MEI4: variants seen among roughly 807,000 people sequenced by gnomAD.
The protein encoded by MEI4 is meiosis-specific protein MEI4.
MEI4 carries 27 observed loss-of-function variants against 31.4 expected under a neutral mutation model. The ratio of observed to expected loss-of-function variants is 0.86; its 90% CI spans 0.63 to 1.19. MEI4 has a LOEUF of 1.19. MEI4 is among the 50% of genes most tolerant of loss of function. The pLI, the probability that MEI4 is intolerant of heterozygous loss-of-function variation, is 0.00. For synonymous variants in MEI4, 122 were observed against 145.4 expected (o/e 0.84, Z 1.16); for missense variants, 329 against 398.9 (o/e 0.82, Z 1.49).
At chr6:77,756,214 T>C (rs1364921094) in intron 2 of MEI4, among the ~76,000 whole-genome samples, 1 of 152,222 alleles carries the variant, frequency 6.6e-6, no homozygotes, top group Non-Finnish European at 1.5e-5. Flanking sequence ...TAAAAATCTT[T>C]ATGAATAAAT....
intron 4 of MEI4, among the ~76,000 whole-genome samples, chr6:77,874,129 C>T (rs923832804): frequency 6.6e-6 from 1 of 152,050 alleles, no homozygotes; most frequent in Non-Finnish European, 1.5e-5. Context: ...TAGTTTTTTC[C>T]AATTCTGTGA....
At chr6:77,895,737 A>T (rs1766071151) in intron 4 of MEI4, among the ~76,000 whole-genome samples, 1 of 152,102 alleles carries the variant, frequency 6.6e-6, no homozygotes, top group African/African-American at 2.4e-5. Flanking sequence ...TAGACACATG[A>T]AAGTACCCAA....
chr6:77,877,532 C>T (rs56112552), intron 4 of MEI4, among the ~76,000 whole-genome samples: 11,974 of 151,938 alleles, frequency 0.079, 1,463 homozygotes, highest in African/African-American at 0.26. Flanking sequence ...ACCTTTTTGA[C>T]TCACATACGT....
chr6:77,800,173 A>G (rs1262805598), intron 3 of MEI4, among the ~76,000 whole-genome samples: 10 of 152,004 alleles, frequency 6.6e-5, no homozygotes, highest in Admixed American at 6.6e-5. Flanking sequence ...TATTTCATTG[A>G]GCAGTGGTTT....
At chr6:77,827,672 C>T (rs1769988395) in intron 3 of MEI4, among the ~76,000 whole-genome samples, 1 of 152,130 alleles carries the variant, frequency 6.6e-6, no homozygotes, top group African/African-American at 2.4e-5. Flanking sequence ...TGTGTCCTCC[C>T]ATGGTTTGGA....
chr6:77,675,673 T>G (rs1205775683), intron 1 of MEI4, among the ~76,000 whole-genome samples: 2 of 152,080 alleles, frequency 1.3e-5, no homozygotes, highest in Non-Finnish European at 2.9e-5. Context: ...CTGCTCAATC[T>G]CAATACTATC....
At chr6:77,805,591 C>G (rs2127702746) in intron 3 of MEI4, among the ~76,000 whole-genome samples, 1 of 152,072 alleles carries the variant, frequency 6.6e-6, no homozygotes, top group Non-Finnish European at 1.5e-5. Context: ...GAAATAATGA[C>G]AGTATAATCA....
Position 77,820,585 on chromosome 6 carries a change from C to T in MEI4, c.769-8346C>T, listed in dbSNP as rs1769799389. On this transcript the variant is annotated intron_variant, in intron 3 of 4. Coordinates refer to ENST00000684080, the MANE Select transcript of MEI4 (RefSeq NM_001322247.2). This position sits in a 1 kb window ranked among gnomAD's most constrained non-coding sequence, Gnocchi z 4.5. ...CCGGCCGGTTTTCTTTTTTAAATCC[C>T]TTTAGTATGGTTCTATCAGTGTTAA... Among the ~76,000 whole-genome samples, 1 of 151,952 alleles carries T rather than the reference C, an allele frequency of 6.6e-6. No homozygotes were observed. The highest frequency in any genetic ancestry group is 2.4e-5 in the African/African-American group (1 of 41,410).
intron 2 of MEI4, among the ~76,000 whole-genome samples, chr6:77,709,483 T>C (rs1398661325): frequency 6.6e-6 from 1 of 152,202 alleles, no homozygotes; most frequent in Non-Finnish European, 1.5e-5. Flanking sequence ...CTATGTAAAT[T>C]ATAATACATG....
At chr6:77,881,559 C>T (rs568912293) in intron 4 of MEI4, among the ~76,000 whole-genome samples, 2 of 152,306 alleles carry the variant, frequency 1.3e-5, no homozygotes, top group African/African-American at 4.8e-5. Context: ...TAGCTATATG[C>T]TGCTGCTCTT....
chr6:77,898,438 A>G (rs1470230259), intron 4 of MEI4, among the ~76,000 whole-genome samples: 2 of 152,080 alleles, frequency 1.3e-5, no homozygotes, highest in East Asian at 3.8e-4. Context: ...TCTGGCACAT[A>G]GGAAACTGAC....
At chr6:77,828,476 A>G (rs1157541676) in intron 3 of MEI4, among the ~76,000 whole-genome samples, 5 of 152,186 alleles carry the variant, frequency 3.3e-5, no homozygotes, top group African/African-American at 1.2e-4. Flanking sequence ...CTGACGTGGA[A>G]CAGTTTCATC....
intron 2 of MEI4, among the ~76,000 whole-genome samples, chr6:77,695,332 C>A (rs1397606783): frequency 6.6e-6 from 1 of 151,258 alleles, no homozygotes. Flanking sequence ...ACATGAAGTC[C>A]TTGCCCATGC....
rs1771210062 is a variant in MEI4, at chr6:77,872,136, G to A, written c.900+43074G>A. Among the ~76,000 whole-genome samples the A allele has an allele frequency of 3.3e-5, 5 of 152,244 alleles. No homozygotes were observed. The South Asian group carries it at 1.0e-3, about 32-fold the overall frequency. ...CCTTAAATCGTGTGCAGTGTTCCCA[G>A]GCCACCGTTTAGAGCCTTTTAATAG... On this transcript the variant is annotated intron_variant, in intron 4 of 4. Coordinates refer to ENST00000684080, the MANE Select transcript of MEI4 (RefSeq NM_001322247.2).
chr6:77,666,605 A>C (rs954884192), intron 1 of MEI4, among the ~76,000 whole-genome samples: 10 of 152,114 alleles, frequency 6.6e-5, no homozygotes, highest in African/African-American at 2.2e-4. Flanking sequence ...AGGCACAGAG[A>C]GGTTGTATAA....
rs113175248 is a variant in MEI4, at chr6:77,821,897, T to G, written c.769-7034T>G. Among the ~76,000 whole-genome samples, 787 of 151,948 alleles carry G rather than the reference T, an allele frequency of 5.2e-3. 7 individuals carry two copies. Among genetic ancestry groups the G allele is most frequent in the African/African-American group, 0.019 (769 of 41,478 alleles). Reference sequence around the variant, plus strand: ...TGCTGGCACATTAGATCTTTACCAGTCTCTACATTTCACTAATTTAGGCTT... The same window carrying G: ...TGCTGGCACATTAGATCTTTACCAGGCTCTACATTTCACTAATTTAGGCTT... On this transcript the variant is annotated intron_variant, in intron 3 of 4. Coordinates refer to ENST00000684080, the MANE Select transcript of MEI4 (RefSeq NM_001322247.2).
At chr6:77,695,322 A>C (rs907621130) in intron 2 of MEI4, among the ~76,000 whole-genome samples, 1 of 151,784 alleles carries the variant, frequency 6.6e-6, no homozygotes, top group Non-Finnish European at 1.5e-5. Context: ...GGTGTTTTAG[A>C]CATGAAGTCC....
At chr6:77,774,388 A>C (rs1214745248) in intron 3 of MEI4, among the ~76,000 whole-genome samples, 2 of 152,140 alleles carry the variant, frequency 1.3e-5, no homozygotes, top group Non-Finnish European at 2.9e-5. Flanking sequence ...GGAGGCCATT[A>C]TTTTAAATGA....
intron 4 of MEI4, among the ~76,000 whole-genome samples, chr6:77,888,622 G>T (rs1771681850): frequency 6.6e-6 from 1 of 152,086 alleles, no homozygotes; most frequent in South Asian, 2.1e-4. Context: ...ATTCTTGGCT[G>T]ACAGACTTTT....
Sources: gnomAD v4.1 joint callset for allele counts (sites outside exome capture counted in the v4.1 genomes callset) on GRCh38, gnomAD v4.1.1 for gene constraint, Gnocchi (gnomAD v3.1) non-coding constraint, MANE v1.5 for transcripts, NCBI Gene and HGNC (gene_info 2026-07-23, HGNC 2026-07-21) for gene names.